COMMD10: variants seen among roughly 807,000 people sequenced by gnomAD.
COMMD10 encodes the protein COMM domain containing 10, also known as COMM domain-containing protein 10.
COMMD10 carries 33 observed loss-of-function variants against 28.9 expected under a neutral mutation model. That is an observed-to-expected ratio of 1.14 (90% CI 0.87 to 1.53). The LOEUF (loss-of-function observed/expected upper bound fraction) is 1.53. Ranked by LOEUF, COMMD10 falls within the 40% of genes most tolerant of loss-of-function variation. The probability of loss-of-function intolerance (pLI) is 0.00; values close to 1 mark genes in which losing one functional copy is unlikely to be tolerated. For missense variants in COMMD10, 310 were observed against 233.4 expected (o/e 1.33, Z -2.14); for synonymous variants, 110 against 81.7 (o/e 1.35, Z -1.87).
chr5:116,126,869 G>C (rs913255353), intron 4 of COMMD10, among the ~76,000 whole-genome samples: 8 of 152,260 alleles, frequency 5.3e-5, no homozygotes, highest in African/African-American at 1.7e-4. Flanking sequence ...GCATGGGCAA[G>C]GACTTCATGT....
chr5:116,119,679 A>G (rs969401968), intron 4 of COMMD10, among the ~76,000 whole-genome samples: 3 of 152,064 alleles, frequency 2.0e-5, no homozygotes, highest in South Asian at 4.1e-4. Flanking sequence ...TGGTGTGATC[A>G]TAGCTCACTG....
intron 4 of COMMD10, among the ~76,000 whole-genome samples, chr5:116,130,124 C>G (rs1444819054): frequency 6.6e-6 from 1 of 151,708 alleles, no homozygotes; most frequent in African/African-American, 2.4e-5. Flanking sequence ...TTAGTCATGA[C>G]TCTTTTAAAA....
At chr5:116,200,673 C>T (rs1208402802) in intron 5 of COMMD10, among the ~76,000 whole-genome samples, 2 of 152,004 alleles carry the variant, frequency 1.3e-5, no homozygotes, top group South Asian at 2.1e-4. Context: ...TTTTCAAGCT[C>T]AGAGGTTCTT....
Position 116,103,315 on chromosome 5 carries a change from A to T in COMMD10, c.399+10615A>T, listed in dbSNP as rs1307659248. ...TATAAAAGCATTCCTATTTCTCCAC[A>T]TCCTCTTCAGCATCTGTTGTTTCCT... On this transcript the variant is annotated intron_variant, in intron 4 of 6. Coordinates refer to ENST00000274458, the MANE Select transcript of COMMD10 (RefSeq NM_016144.4). Among the ~76,000 whole-genome samples, 4 of 152,292 alleles carry T rather than the reference A, an allele frequency of 2.6e-5. No individual in the cohort carries two copies. In the South Asian group the frequency reaches 8.3e-4, roughly 32 times the overall value.
At chr5:116,255,186 G>GTGTCTTTATTT (rs1750246652) in intron 5 of COMMD10, among the ~76,000 whole-genome samples, 1 of 151,690 alleles carries the variant, frequency 6.6e-6, no homozygotes, top group South Asian at 2.1e-4. Flanking sequence ...TTGAGCCTAT[G>GTGTCTTTATTT]TGTGTCTCTG....
At chr5:116,117,773 A>C (rs1226496375) in intron 4 of COMMD10, among the ~76,000 whole-genome samples, 1 of 152,128 alleles carries the variant, frequency 6.6e-6, no homozygotes. Flanking sequence ...GCCTGATTTT[A>C]GTCATTCTTA....
chr5:116,164,966 A>G (rs1469138436), intron 5 of COMMD10, among the ~76,000 whole-genome samples: 4 of 152,196 alleles, frequency 2.6e-5, no homozygotes, highest in Non-Finnish European at 4.4e-5. Flanking sequence ...CACAGAATGA[A>G]TCATGGCCAA....
intron 5 of COMMD10, among the ~76,000 whole-genome samples, chr5:116,139,556 A>G (rs944714875): frequency 1.3e-5 from 2 of 150,958 alleles, no homozygotes; most frequent in East Asian, 1.9e-4. Flanking sequence ...TGACCTTCAC[A>G]TTTTTTAGCT....
At chr5:116,122,496 T>C (rs1310987631) in intron 4 of COMMD10, among the ~76,000 whole-genome samples, 2 of 152,356 alleles carry the variant, frequency 1.3e-5, no homozygotes, top group Non-Finnish European at 2.9e-5. Flanking sequence ...AACTTTAAAG[T>C]AGTTTTTCCA....
chr5:116,255,759 C>G (rs978997372), intron 5 of COMMD10: 1 of 134,376 alleles, frequency 7.4e-6, no homozygotes. Context: ...TTATATCTTA[C>G]AGGCAAAAAA....
intron 5 of COMMD10, chr5:116,218,261 C>G (rs1159249769): frequency 2.7e-6 from 2 of 740,286 alleles, no homozygotes; most frequent in East Asian, 5.2e-5. Flanking sequence ...GGCTTTATCT[C>G]CTTTAGCATC....
chr5:116,196,634 T>TA (rs1748529735), intron 5 of COMMD10, among the ~76,000 whole-genome samples: 2 of 151,464 alleles, frequency 1.3e-5, no homozygotes, highest in African/African-American at 4.9e-5. Context: ...GCTTTTTTTT[T>TA]TAAAAAAAGA....
chr5:116,223,458 G>A (rs891849901), intron 5 of COMMD10, among the ~76,000 whole-genome samples: 3 of 152,122 alleles, frequency 2.0e-5, no homozygotes, highest in Admixed American at 6.5e-5. Flanking sequence ...AACTGTCTCA[G>A]ACTCTGGGAA....
intron 5 of COMMD10, among the ~76,000 whole-genome samples, chr5:116,273,886 G>A (rs901074616): frequency 4.6e-5 from 7 of 151,658 alleles, no homozygotes; most frequent in African/African-American, 1.7e-4. Flanking sequence ...CTACAGAAAA[G>A]AGAAAATTTG....
At chr5:116,266,738 C>T (rs1257014532) in intron 5 of COMMD10, among the ~76,000 whole-genome samples, 5 of 151,848 alleles carry the variant, frequency 3.3e-5, no homozygotes, top group African/African-American at 1.2e-4. Flanking sequence ...CATCAAAAAG[C>T]TTAACCACCA....
intron 5 of COMMD10, among the ~76,000 whole-genome samples, chr5:116,273,442 A>G (rs1580603393): frequency 2.0e-5 from 3 of 151,846 alleles, no homozygotes; most frequent in Non-Finnish European, 2.9e-5. Flanking sequence ...AAAGCTTTGT[A>G]TATGTTCCAG....
At chr5:116,277,706 T>A (rs1217764646) in intron 5 of COMMD10, among the ~76,000 whole-genome samples, 3 of 151,940 alleles carry the variant, frequency 2.0e-5, no homozygotes, top group Non-Finnish European at 2.9e-5. Context: ...GAAGTGTAAA[T>A]TTAACTAAAT....
chr5:116,181,776 A>T (rs1474160408), intron 5 of COMMD10, among the ~76,000 whole-genome samples: 1 of 152,110 alleles, frequency 6.6e-6, no homozygotes, highest in Non-Finnish European at 1.5e-5. Context: ...TTCTGGCAAC[A>T]TGATCTTGCT....
At chr5:116,205,078 GC>G (rs1161293237) in intron 5 of COMMD10, among the ~76,000 whole-genome samples, 2 of 152,014 alleles carry the variant, frequency 1.3e-5, no homozygotes, top group Admixed American at 1.3e-4. Flanking sequence ...TTATTTTATT[GC>G]TTTAAACATA....
Sources: gnomAD v4.1 joint callset for allele counts (sites outside exome capture counted in the v4.1 genomes callset) on GRCh38, gnomAD v4.1.1 for gene constraint, MANE v1.5 for transcripts, NCBI Gene and HGNC (gene_info 2026-07-23, HGNC 2026-07-21) for gene names.